The following RASSF6 variants were observed in gnomAD, a reference collection of about 807,000 sequenced individuals.
RASSF6 encodes the protein Ras association domain family member 6.
A neutral mutation model predicts 44.0 loss-of-function variants in RASSF6; 52 were observed. That is an observed-to-expected ratio of 1.18 (90% CI 0.95 to 1.49). The LOEUF (loss-of-function observed/expected upper bound fraction) is 1.49, where lower values mean the gene tolerates loss of function less well. RASSF6 is among the 40% of genes most tolerant of loss of function. The pLI is 0.00. For synonymous variants in RASSF6, 162 were observed against 124.6 expected (o/e 1.30, Z -2.00); for missense variants, 464 against 393.3 (o/e 1.18, Z -1.52).
intron 1 of RASSF6, among the ~76,000 whole-genome samples, chr4:73,617,081 C>CA (rs1406761739): frequency 1.3e-5 from 2 of 152,092 alleles, no homozygotes; most frequent in Non-Finnish European, 2.9e-5. Flanking sequence ...CAAGAGTTGG[C>CA]ATATATACAA....
At chr4:73,596,141 TA>T (rs1386191509) in intron 3 of RASSF6, among the ~76,000 whole-genome samples, 1 of 152,152 alleles carries the variant, frequency 6.6e-6, no homozygotes, top group Non-Finnish European at 1.5e-5. Flanking sequence ...GTGGCACTCC[TA>T]AAAATGCTTT....
At chr4:73,596,700 T>C (rs1724962604) in intron 3 of RASSF6, among the ~76,000 whole-genome samples, 1 of 152,178 alleles carries the variant, frequency 6.6e-6, no homozygotes, top group Non-Finnish European at 1.5e-5. Context: ...GCTGGAGGCA[T>C]CACACTACCT....
Position 73,604,622 on chromosome 4 carries a change from T to C in RASSF6, c.66-5904A>G, listed in dbSNP as rs547199529. On this transcript the variant is annotated intron_variant, in intron 2 of 10. Transcript: ENST00000307439. Reference sequence around the variant, plus strand: ...AAAAGGATAGTGCTAATTAGTTCTCTTGCACAGGTTTTCTTTTTCCCACTG... The same window carrying C: ...AAAAGGATAGTGCTAATTAGTTCTCCTGCACAGGTTTTCTTTTTCCCACTG... 3 of 152,352 alleles carry C rather than the reference T, an allele frequency of 2.0e-5. No homozygotes were observed. In the South Asian group the frequency reaches 6.2e-4, roughly 32 times the overall value. 9.4% of individuals were successfully genotyped at this position (152,352 alleles called of 1,614,324 possible).
rs2149359419 is a variant in RASSF6 at position 73,574,747 on chromosome 4, T to C, written c.*1488A>G. ...GTGGCCATTTGCATTCTCTCTTCTGTGATTTTTCTTTTCATATCTACCTTT... is the reference window on the plus strand; with the variant it reads ...GTGGCCATTTGCATTCTCTCTTCTGCGATTTTTCTTTTCATATCTACCTTT... On this transcript the variant is annotated 3_prime_UTR_variant, in exon 11 of 11. Transcript: ENST00000307439. 2 of 152,284 alleles carry C rather than the reference T, an allele frequency of 1.3e-5. No homozygotes were observed. The highest frequency in any genetic ancestry group is 6.8e-3 in the Middle Eastern group (2 of 294). The allele number at this position is 152,284 out of a possible 1,614,324, so 9.4% of individuals were successfully genotyped here. A position where few individuals can be genotyped will look rare whatever the true frequency, so the allele number is the denominator to read the frequency against.
At chr4:73,606,188 G>A (rs1725612791) in intron 2 of RASSF6, among the ~76,000 whole-genome samples, 1 of 152,172 alleles carries the variant, frequency 6.6e-6, no homozygotes, top group Admixed American at 6.5e-5. Context: ...TGCTGGATTG[G>A]ATAAAAACAA....
intron 2 of RASSF6, among the ~76,000 whole-genome samples, chr4:73,605,320 TA>T (rs1173323408): frequency 2.6e-5 from 4 of 152,246 alleles, no homozygotes; most frequent in Non-Finnish European, 5.9e-5. Flanking sequence ...GAGAACTGAA[TA>T]AAGCCTTGTC....
At chr4:73,619,189 T>C (rs1255463469) in intron 1 of RASSF6, among the ~76,000 whole-genome samples, 2 of 152,258 alleles carry the variant, frequency 1.3e-5, no homozygotes, top group Non-Finnish European at 2.9e-5. Context: ...AGATTGTGTG[T>C]AACTCTCTTA....
chr4:73,582,844 GCACA>G (rs375999816), intron 6 of RASSF6, among the ~76,000 whole-genome samples: 1 of 150,762 alleles, frequency 6.6e-6, no homozygotes, highest in Admixed American at 6.6e-5. Flanking sequence ...CATGTAACAC[GCACA>G]CACACACACA....
At chr4:73,609,334 G>C (rs1160606797) in intron 2 of RASSF6, among the ~76,000 whole-genome samples, 1 of 152,082 alleles carries the variant, frequency 6.6e-6, no homozygotes, top group Admixed American at 6.6e-5. Context: ...CCAGCTCACT[G>C]TGTGAAGCAG....
At chr4:73,604,566 A>T (rs1725496227) in intron 2 of RASSF6, 1 of 152,238 alleles carries the variant, frequency 6.6e-6, no homozygotes, top group East Asian at 1.9e-4. Flanking sequence ...AATATTTGAA[A>T]CAGACTTCAG....
intron 2 of RASSF6, among the ~76,000 whole-genome samples, chr4:73,606,032 A>G (rs1725599611): frequency 1.3e-5 from 2 of 152,230 alleles, no homozygotes; most frequent in South Asian, 4.1e-4. Flanking sequence ...TAAAAGTTGA[A>G]CTACCTTTCA....
intron 2 of RASSF6, chr4:73,604,679 A>C (rs1354517604): frequency 2.0e-5 from 3 of 152,166 alleles, no homozygotes; most frequent in Non-Finnish European, 4.4e-5. Flanking sequence ...TTTAGCAGTG[A>C]AGCTATTTAA....
intron 2 of RASSF6, among the ~76,000 whole-genome samples, chr4:73,611,241 AT>A (rs1465984441): frequency 6.6e-6 from 1 of 152,074 alleles, no homozygotes; most frequent in Non-Finnish European, 1.5e-5. Context: ...CCCTTACTCT[AT>A]TGTTCCCAAA....
At position 73,576,167 on chromosome 4, in the gene RASSF6, T is replaced by G. The variant is rs773593000; in HGVS notation, c.*68A>C. The stretch of plus-strand genomic sequence containing the variant: ...GTTCGTATAAATGCAAGTACAGAAC[T>G]TATGCATTCATCAAAGAGTAATATC... On this transcript the variant is annotated 3_prime_UTR_variant, in exon 11 of 11. Transcript: ENST00000307439. 10 of 820,378 alleles carry G rather than the reference T, an allele frequency of 1.2e-5. No homozygotes were observed. Among genetic ancestry groups the G allele is most frequent in the Middle Eastern group, 7.2e-4 (2 of 2,796 alleles). 50.8% of individuals were successfully genotyped at this position (820,378 alleles called of 1,614,324 possible). A position where few individuals can be genotyped will look rare whatever the true frequency, so the allele number is the denominator to read the frequency against.
intron 2 of RASSF6, among the ~76,000 whole-genome samples, chr4:73,605,754 C>T (rs1725576123): frequency 6.6e-6 from 1 of 152,152 alleles, no homozygotes; most frequent in Non-Finnish European, 1.5e-5. Context: ...GAGGATTTTT[C>T]CCTTTTTTCT....
chr4:73,576,293 GC>G lies in RASSF6; in HGVS notation c.955del (p.Ala319ArgfsTer4). ...ATTTTGAAGACATTTCAGTATAATC[GC>G]CTTTTCTTTATTGAATCTGAAAATG... ...RIVTKFNKEK[A>X]IILKCLQNKL... On this transcript the variant is annotated frameshift_variant, in exon 11 of 11. Coordinates refer to ENST00000307439, the MANE Select transcript of RASSF6 (RefSeq NM_177532.5). LOFTEE classifies it high-confidence loss of function. 6.4e-7 allele frequency: 1 copy of G among 1,557,940 alleles called. No homozygotes were observed. The highest frequency in any genetic ancestry group is 8.8e-7 in the Non-Finnish European group (1 of 1,134,016).
intron 5 of RASSF6, among the ~76,000 whole-genome samples, chr4:73,587,141 A>G (rs1326710358): frequency 6.6e-6 from 1 of 151,618 alleles, no homozygotes; most frequent in Non-Finnish European, 1.5e-5. Flanking sequence ...AAAGTACAAA[A>G]TATTATGCCT....
chr4:73,583,273 T>C (rs1363050255), intron 6 of RASSF6, among the ~76,000 whole-genome samples: 1 of 152,184 alleles, frequency 6.6e-6, no homozygotes, highest in Non-Finnish European at 1.5e-5. Context: ...GTAAGACTAA[T>C]CTCTAAGAGC....
chr4:73,591,288 A>C (rs1332741370), intron 4 of RASSF6, among the ~76,000 whole-genome samples: 1 of 152,210 alleles, frequency 6.6e-6, no homozygotes, highest in Non-Finnish European at 1.5e-5. Context: ...AAATAAAATA[A>C]AACTTAAAAC....
Sources: allele counts gnomAD v4.1 joint callset (sites outside exome capture counted in the v4.1 genomes callset), GRCh38; gene constraint gnomAD v4.1.1; transcripts MANE v1.5; gene names NCBI Gene and HGNC (gene_info 2026-07-23, HGNC 2026-07-21).